Variants in GALNT13 observed in about 807,000 individuals in gnomAD.
The protein encoded by GALNT13 is polypeptide N-acetylgalactosaminyltransferase 13, also known as UDP-GalNAc:polypeptide N-acetylgalactosaminyltransferase 13.
Under a neutral mutation model 64.2 loss-of-function variants are expected in GALNT13, and 28 were observed. The observed-to-expected ratio is 0.44, with a 90% CI of 0.32 to 0.60. GALNT13 has a LOEUF of 0.60. GALNT13 is among the 20% of genes least tolerant of loss of function. GALNT13 has a pLI of 0.05. For missense variants in GALNT13, 577 were observed against 669.8 expected, an observed-to-expected ratio of 0.86 and a Z score of 1.53; for synonymous variants, 214 against 224.6, an observed-to-expected ratio of 0.95 and a Z score of 0.42.
At chr2:153,130,703 G>A in the GALNT13 span, among the ~76,000 whole-genome samples, 9 of 152,080 alleles carry the variant, frequency 5.9e-5, no homozygotes, top group East Asian at 1.7e-3. Context: ...TCTTTAAAGT[G>A]TCGAATACCC....
the GALNT13 span, among the ~76,000 whole-genome samples, chr2:153,372,075 A>G: frequency 6.6e-6 from 1 of 152,162 alleles, no homozygotes; most frequent in Non-Finnish European, 1.5e-5. Context: ...CCCAGTTGTC[A>G]ATATTCTCTG....
intron 3 of GALNT13, among the ~76,000 whole-genome samples, chr2:154,017,256 T>A (rs1263319098): frequency 6.6e-6 from 1 of 152,126 alleles, no homozygotes; most frequent in Non-Finnish European, 1.5e-5. Context: ...TGATATGAAA[T>A]ATAATAATAG....
At chr2:154,162,311 A>G (rs1003936922) in intron 4 of GALNT13, among the ~76,000 whole-genome samples, 1 of 152,206 alleles carries the variant, frequency 6.6e-6, no homozygotes, top group Non-Finnish European at 1.5e-5. Flanking sequence ...TAACATAATA[A>G]TTTTTTAAAA....
intron 11 of GALNT13, among the ~76,000 whole-genome samples, chr2:154,426,908 T>C (rs2105438407): frequency 6.6e-6 from 1 of 152,316 alleles, no homozygotes; most frequent in African/African-American, 2.4e-5. Flanking sequence ...TCATAATTGT[T>C]GGACACTACT....
the GALNT13 span, among the ~76,000 whole-genome samples, chr2:153,166,498 A>C: frequency 1.3e-5 from 2 of 152,188 alleles, no homozygotes; most frequent in Non-Finnish European, 2.9e-5. Flanking sequence ...TGGCAAGTAG[A>C]GGAGTTTATT....
intron 9 of GALNT13, among the ~76,000 whole-genome samples, chr2:154,308,757 AAATT>A (rs755540217): frequency 1.3e-5 from 2 of 152,166 alleles, no homozygotes; most frequent in Non-Finnish European, 2.9e-5. Context: ...AGAAAATTCT[AAATT>A]ATTTTAAAGT....
intron 4 of GALNT13, among the ~76,000 whole-genome samples, chr2:154,237,784 T>A (rs1316642914): frequency 6.6e-6 from 1 of 151,774 alleles, no homozygotes; most frequent in Non-Finnish European, 1.5e-5. Context: ...CTCTTTGTAC[T>A]GCATGTATTG....
chr2:154,005,660 C>G (rs1696197437), intron 3 of GALNT13, among the ~76,000 whole-genome samples: 1 of 152,090 alleles, frequency 6.6e-6, no homozygotes, highest in Non-Finnish European at 1.5e-5. Flanking sequence ...TGACTAATTC[C>G]CAGATGCGTA....
chr2:153,775,425 C>T, the GALNT13 span, among the ~76,000 whole-genome samples: 1 of 152,090 alleles, frequency 6.6e-6, no homozygotes, highest in Non-Finnish European at 1.5e-5. Flanking sequence ...ATAACTCCTT[C>T]CTGCCTCATT....
At chr2:153,108,430 A>T in the GALNT13 span, among the ~76,000 whole-genome samples, 213 of 152,210 alleles carry the variant, frequency 1.4e-3, 1 homozygote, top group Non-Finnish European at 2.8e-3. Flanking sequence ...TCTACCTCAA[A>T]CATTACAATT....
intron 4 of GALNT13, among the ~76,000 whole-genome samples, chr2:154,212,875 C>T (rs1053840162): frequency 1.3e-5 from 2 of 151,160 alleles, no homozygotes; most frequent in African/African-American, 4.9e-5. Flanking sequence ...CACTTTGATA[C>T]ACACATTTTA....
the GALNT13 span, among the ~76,000 whole-genome samples, chr2:153,526,687 C>T: frequency 5.3e-5 from 8 of 152,034 alleles, no homozygotes; most frequent in East Asian, 3.9e-4. Flanking sequence ...AACATGGCCT[C>T]ACCAAATTAA....
chr2:153,169,142 G>GCAC, the GALNT13 span, among the ~76,000 whole-genome samples: 22 of 152,334 alleles, frequency 1.4e-4, no homozygotes, highest in Non-Finnish European at 3.1e-4. Context: ...GTTCTGATAT[G>GCAC]CACCATACCT....
chr2:153,134,048 C>G, the GALNT13 span, among the ~76,000 whole-genome samples: 10 of 152,290 alleles, frequency 6.6e-5, no homozygotes, highest in South Asian at 2.1e-3. Flanking sequence ...GAATTCTTTT[C>G]ACAGCTCTCT....
At chr2:153,492,513 A>G in the GALNT13 span, among the ~76,000 whole-genome samples, 28 of 150,664 alleles carry the variant, frequency 1.9e-4, no homozygotes, top group African/African-American at 6.0e-4. Flanking sequence ...AGAAGCTAGC[A>G]AGAGAGGCTG....
At chr2:154,153,391 C>T (rs777384864) in intron 4 of GALNT13, among the ~76,000 whole-genome samples, 47 of 152,172 alleles carry the variant, frequency 3.1e-4, no homozygotes, top group Non-Finnish European at 4.7e-4. Flanking sequence ...CAGGGACCCA[C>T]TTGAGGAGGC....
At chr2:153,339,474 T>C in the GALNT13 span, among the ~76,000 whole-genome samples, 1 of 152,230 alleles carries the variant, frequency 6.6e-6, no homozygotes, top group African/African-American at 2.4e-5. Flanking sequence ...GTTTTCTTAC[T>C]ATTGAATTGC....
At chr2:153,914,467 G>C (rs972930132) in intron 2 of GALNT13, among the ~76,000 whole-genome samples, 1 of 133,398 alleles carries the variant, frequency 7.5e-6, no homozygotes, top group African/African-American at 2.9e-5. Context: ...CTGGGCAAAA[G>C]TGCGAGTCTC....
At chr2:153,385,115 G>C in the GALNT13 span, among the ~76,000 whole-genome samples, 1 of 151,994 alleles carries the variant, frequency 6.6e-6, no homozygotes, top group African/African-American at 2.4e-5. Context: ...CCACTATGGA[G>C]AATAGTTTGG....
Sources: gnomAD v4.1 joint callset for allele counts (sites outside exome capture counted in the v4.1 genomes callset) on GRCh38, gnomAD v4.1.1 for gene constraint, MANE v1.5 for transcripts, NCBI Gene and HGNC (gene_info 2026-07-23, HGNC 2026-07-21) for gene names.